The following SGCD variants were observed in gnomAD, a reference collection of about 807,000 sequenced individuals.
SGCD encodes delta-sarcoglycan.
A neutral mutation model predicts 36.6 loss-of-function variants in SGCD; 18 were observed. That is an observed-to-expected ratio of 0.49 (90% CI 0.34 to 0.73). The LOEUF is 0.73. Ranked by LOEUF, SGCD falls within the 30% of genes least tolerant of loss-of-function variation. The probability of loss-of-function intolerance (pLI) is 0.01; values close to 1 mark genes in which losing one functional copy is unlikely to be tolerated. For missense variants in SGCD, 387 were observed against 346.7 expected, an observed-to-expected ratio of 1.12 and a Z score of -0.92; for synonymous variants, 133 against 130.6, an observed-to-expected ratio of 1.02 and a Z score of -0.12.
intron 1 of SGCD, among the ~76,000 whole-genome samples, chr5:155,980,833 G>A (rs1758213244): frequency 6.6e-6 from 1 of 152,112 alleles, no homozygotes; most frequent in Admixed American, 6.5e-5. Context: ...ACCTCGGAAG[G>A]TATTAGTCCT....
the SGCD span, among the ~76,000 whole-genome samples, chr5:155,794,462 A>G: frequency 6.6e-6 from 1 of 152,176 alleles, no homozygotes; most frequent in African/African-American, 2.4e-5. Flanking sequence ...GGATAAAAAC[A>G]TGGATTTCTT....
At chr5:155,993,064 G>A (rs1561675533) in intron 1 of SGCD, among the ~76,000 whole-genome samples, 1 of 152,120 alleles carries the variant, frequency 6.6e-6, no homozygotes, top group Non-Finnish European at 1.5e-5. Context: ...AGATCCTTCT[G>A]AAATGATCCA....
chr5:156,018,621 C>T (rs1759034719), intron 1 of SGCD, among the ~76,000 whole-genome samples: 1 of 152,178 alleles, frequency 6.6e-6, no homozygotes, highest in South Asian at 2.1e-4. Flanking sequence ...TGCATCATCC[C>T]TCTATCTATC....
the SGCD span, among the ~76,000 whole-genome samples, chr5:155,737,187 ATATC>A: frequency 6.6e-6 from 1 of 152,190 alleles, no homozygotes; most frequent in African/African-American, 2.4e-5. Flanking sequence ...AGCTTGGAGA[ATATC>A]TTCTTCTATG....
chr5:156,463,881 A>C (rs2871958), intron 3 of SGCD, among the ~76,000 whole-genome samples: 62,543 of 151,956 alleles, frequency 0.41, 13,523 homozygotes, highest in South Asian at 0.59. Flanking sequence ...GCTTTAGCCC[A>C]GGAGGTTGAG....
upstream of SGCD, among the ~76,000 whole-genome samples, chr5:156,326,154 A>G (rs1223470999): frequency 2.0e-5 from 3 of 152,250 alleles, no homozygotes; most frequent in Middle Eastern, 3.4e-3. Context: ...GGCTCTTTAG[A>G]TATGGGGGTT....
intron 3 of SGCD, among the ~76,000 whole-genome samples, chr5:156,224,678 C>G (rs1446636620): frequency 6.6e-6 from 1 of 152,124 alleles, no homozygotes; most frequent in Non-Finnish European, 1.5e-5. Flanking sequence ...GACTTCAGCT[C>G]TTTGTATGCT....
intron 1 of SGCD, among the ~76,000 whole-genome samples, chr5:155,962,085 G>C (rs1047629036): frequency 1.2e-4 from 19 of 152,012 alleles, no homozygotes; most frequent in Non-Finnish European, 5.9e-5. Context: ...CTATATTACA[G>C]ATGAGAAACC....
intron 3 of SGCD, among the ~76,000 whole-genome samples, chr5:156,475,120 C>A (rs1419432617): frequency 6.6e-6 from 1 of 152,106 alleles, no homozygotes; most frequent in African/African-American, 2.4e-5. Flanking sequence ...CAATAAGTCC[C>A]CTTCTACCCT....
chr5:156,623,321 C>T (rs767585466), intron 6 of SGCD, among the ~76,000 whole-genome samples: 16 of 152,062 alleles, frequency 1.1e-4, no homozygotes, highest in Admixed American at 2.0e-4. Flanking sequence ...TACAGGACAC[C>T]GTGATGAGGA....
the SGCD span, among the ~76,000 whole-genome samples, chr5:155,755,803 T>C: frequency 1.3e-5 from 2 of 152,232 alleles, no homozygotes; most frequent in Admixed American, 6.5e-5. Context: ...GAGCTGACTT[T>C]CAATTTGTTA....
the SGCD span, among the ~76,000 whole-genome samples, chr5:155,812,335 T>C: frequency 6.6e-6 from 1 of 152,230 alleles, no homozygotes; most frequent in Non-Finnish European, 1.5e-5. Context: ...CCTCCCTGAC[T>C]GCACGTCCAT....
At chr5:155,780,064 A>T in the SGCD span, among the ~76,000 whole-genome samples, 1 of 152,168 alleles carries the variant, frequency 6.6e-6, no homozygotes, top group Non-Finnish European at 1.5e-5. Flanking sequence ...AGACACTAGA[A>T]TAAACCTAGA....
At chr5:156,200,524 A>T (rs762454472) in intron 3 of SGCD, among the ~76,000 whole-genome samples, 3 of 152,188 alleles carry the variant, frequency 2.0e-5, no homozygotes, top group Admixed American at 2.0e-4. Context: ...AATCAATTGA[A>T]GACCTACATT....
intron 7 of SGCD, among the ~76,000 whole-genome samples, chr5:156,679,291 T>C (rs1374561642): frequency 6.6e-6 from 1 of 152,198 alleles, no homozygotes; most frequent in Non-Finnish European, 1.5e-5. Flanking sequence ...CACTAGACCA[T>C]ATATTACCTG....
intron 3 of SGCD, among the ~76,000 whole-genome samples, chr5:156,190,943 T>A (rs1167536058): frequency 1.3e-5 from 2 of 152,156 alleles, no homozygotes; most frequent in African/African-American, 4.8e-5. Context: ...ATATGATTTG[T>A]ATATTTTCCA....
the SGCD span, among the ~76,000 whole-genome samples, chr5:155,779,843 T>C: frequency 6.6e-6 from 1 of 152,158 alleles, no homozygotes; most frequent in Non-Finnish European, 1.5e-5. Context: ...GCTTTTGTAG[T>C]GGGTATGAAG....
At chr5:156,616,908 T>G (rs146022079) in intron 6 of SGCD, among the ~76,000 whole-genome samples, 2 of 152,144 alleles carry the variant, frequency 1.3e-5, no homozygotes, top group African/African-American at 2.4e-5. Flanking sequence ...AGTGGCAGAG[T>G]TGAGTAGTTG....
intron 1 of SGCD, among the ~76,000 whole-genome samples, chr5:156,082,619 T>C (rs2127591911): frequency 6.6e-6 from 1 of 152,352 alleles, no homozygotes; most frequent in South Asian, 2.1e-4. Flanking sequence ...TGCTTAAACA[T>C]TCATTTCTTG....
Sources: allele counts gnomAD v4.1 joint callset (sites outside exome capture counted in the v4.1 genomes callset), GRCh38; gene constraint gnomAD v4.1.1; transcripts MANE v1.5; gene names NCBI Gene and HGNC (gene_info 2026-07-23, HGNC 2026-07-21).